Variants in MIA2 observed in about 807,000 individuals in gnomAD.
The protein encoded by MIA2 is MIA SH3 domain ER export factor 2, also known as melanoma inhibitory activity protein 2.
Under a neutral mutation model 167.8 loss-of-function variants are expected in MIA2, and 127 were observed. The ratio of observed to expected loss-of-function variants is 0.76; its 90% CI spans 0.66 to 0.88. MIA2 has a LOEUF of 0.88. MIA2 is among the 40% of genes least tolerant of loss of function. The pLI, the probability that MIA2 is intolerant of heterozygous loss-of-function variation, is 0.00. For missense variants in MIA2, 1,690 were observed against 1,624.7 expected, an observed-to-expected ratio of 1.04 and a Z score of -0.69; for synonymous variants, 552 against 541.9, an observed-to-expected ratio of 1.02 and a Z score of -0.26.
chr14:39,266,714 G>GCTGCCGGGGT, intron 6 of MIA2: 1 of 985,586 alleles, frequency 1.0e-6, no homozygotes, highest in South Asian at 4.7e-5. Flanking sequence ...GCTTCTCGGG[G>GCTGCCGGGGT]CTGCCGGGGT....
intron 18 of MIA2, among the ~76,000 whole-genome samples, chr14:39,312,532 G>A (rs1448959068): frequency 1.3e-5 from 2 of 152,206 alleles, no homozygotes; most frequent in African/African-American, 4.8e-5. Context: ...GACTCCAAAT[G>A]TGTTTTCCTG....
intron 3 of MIA2, among the ~76,000 whole-genome samples, chr14:39,246,505 G>C (rs1325946069): frequency 6.6e-6 from 1 of 152,114 alleles, no homozygotes; most frequent in Non-Finnish European, 1.5e-5. Context: ...AATGCTTGAG[G>C]CCAGAAGTTC....
intron 13 of MIA2, among the ~76,000 whole-genome samples, chr14:39,296,519 G>A (rs1336362886): frequency 2.0e-5 from 3 of 151,202 alleles, no homozygotes; most frequent in Non-Finnish European, 2.9e-5. Context: ...TTGACCTCGT[G>A]ATCCACCCGC....
chr14:39,277,713 T>TTTAAAG, intron 7 of MIA2, among the ~76,000 whole-genome samples: 1 of 5,470 alleles, frequency 1.8e-4, no homozygotes, highest in African/African-American at 9.5e-4. Context: ...TATATATATA[T>TTTAAAG]ATGTGTGTAT....
chr14:39,282,486 A>G (rs1240714686), intron 9 of MIA2, among the ~76,000 whole-genome samples: 3 of 152,172 alleles, frequency 2.0e-5, no homozygotes, highest in Non-Finnish European at 4.4e-5. Context: ...TAATGTACTC[A>G]TATAACAAAA....
chr14:39,288,432 CATATATATATATATATATATAT>C (rs759995143), intron 9 of MIA2, among the ~76,000 whole-genome samples: 5 of 52,876 alleles, frequency 9.5e-5, no homozygotes, highest in Non-Finnish European at 1.3e-4. Context: ...ATATATTATA[CATATATATATATATATATATAT>C]ATATATATAT....
At chr14:39,238,581 G>A (rs2053876387) in intron 2 of MIA2, among the ~76,000 whole-genome samples, 1 of 151,936 alleles carries the variant, frequency 6.6e-6, no homozygotes, top group Non-Finnish European at 1.5e-5. Context: ...GATCACTTGA[G>A]GCCAGGAGTT....
At chr14:39,295,706 C>T (rs919609314) in intron 13 of MIA2, among the ~76,000 whole-genome samples, 19 of 151,986 alleles carry the variant, frequency 1.3e-4, no homozygotes, top group Admixed American at 3.9e-4. Flanking sequence ...ACTACAGGCG[C>T]GCGCCTCCAC....
intron 6 of MIA2, chr14:39,265,203 A>G: frequency 1.8e-6 from 1 of 556,622 alleles, no homozygotes; most frequent in Non-Finnish European, 3.1e-6. Flanking sequence ...GGTCCATGAA[A>G]TTGGGTTATG....
chr14:39,279,457 A>G lies in MIA2; in HGVS notation c.2050A>G (p.Lys684Glu), dbSNP rs1487430900. 6 of 1,605,796 alleles carry G rather than the reference A, an allele frequency of 3.7e-6. No homozygotes were observed. Among genetic ancestry groups the G allele is most frequent in the Non-Finnish European group, 2.5e-6 (3 of 1,178,226 alleles). ...TGACTTGACTTTTTTAGGACGAGAG[A>G]AAAAGCTTGCTCTAATGCTTTCTGG... The part of the protein sequence containing the change: ...VRSRLYVGRE[K>E]KLALMLSGLI... The change falls in exon 9 of 29, where the codon AAA becomes GAA. Residue 684 changes from lysine to glutamate, a missense_variant. By Grantham distance (56) the Lys-to-Glu change is moderately conservative. Coordinates refer to ENST00000640607, the MANE Select transcript of MIA2 (RefSeq NM_001329214.4).
At chr14:39,281,474 A>G (rs1376556098) in intron 9 of MIA2, among the ~76,000 whole-genome samples, 1 of 152,016 alleles carries the variant, frequency 6.6e-6, no homozygotes, top group African/African-American at 2.4e-5. Context: ...TAAACCATCC[A>G]TTGAGATCTT....
intron 23 of MIA2, among the ~76,000 whole-genome samples, chr14:39,379,262 A>C (rs1248962037): frequency 6.6e-6 from 1 of 151,930 alleles, no homozygotes; most frequent in Non-Finnish European, 1.5e-5. Flanking sequence ...ATTTATAGAG[A>C]AACTTTGAAC....
chr14:39,318,413 G>T (rs2065870149), intron 22 of MIA2, among the ~76,000 whole-genome samples: 1 of 151,908 alleles, frequency 6.6e-6, no homozygotes, highest in Non-Finnish European at 1.5e-5. Flanking sequence ...TGTAGTATTG[G>T]GTGACATTGT....
chr14:39,357,144 C>T (rs1008945784), intron 23 of MIA2, among the ~76,000 whole-genome samples: 5 of 151,666 alleles, frequency 3.3e-5, no homozygotes, highest in African/African-American at 4.9e-5. Flanking sequence ...CTAATGTTGA[C>T]AATGGGGTGT....
intron 18 of MIA2, among the ~76,000 whole-genome samples, 157 bp from the exon 19 acceptor site, chr14:39,313,183 A>G (rs995664412): frequency 2.6e-5 from 4 of 152,048 alleles, no homozygotes; most frequent in African/African-American, 9.7e-5. Flanking sequence ...CACCAGGAAT[A>G]TTTACACAGA....
chr14:39,274,606 G>T (rs1252123273), intron 6 of MIA2, among the ~76,000 whole-genome samples: 1 of 148,616 alleles, frequency 6.7e-6, no homozygotes, highest in Non-Finnish European at 1.5e-5. Context: ...TTGTATTTTT[G>T]GTAGAGATGG....
chr14:39,252,637 ATCATAATGACCTACAAAAGTTC>A, intron 4 of MIA2, 89 bp from the exon 5 acceptor site: 1 of 702,084 alleles, frequency 1.4e-6, no homozygotes, highest in Non-Finnish European at 2.4e-6. Context: ...TTAACGAAGT[ATCATAATGACCTACAAAAGTTC>A]AGAAAAATGA....
chr14:39,272,077 G>A (rs1300850323), intron 6 of MIA2, among the ~76,000 whole-genome samples: 1 of 152,116 alleles, frequency 6.6e-6, no homozygotes, highest in Non-Finnish European at 1.5e-5. Context: ...TAGGAGGCCG[G>A]GTGCGGTGGC....
At position 39,267,607 on chromosome 14, in the gene MIA2, C is replaced by T; in HGVS notation, c.1888-9327C>T. ...GGAAGCAGTAGACCGGCTTTGGGGT[C>T]TAAGCCGCCGTGGTCAGAGGTCCCG... On this transcript the variant is annotated intron_variant, in intron 6 of 28. Coordinates refer to ENST00000640607, the MANE Select transcript of MIA2 (RefSeq NM_001329214.4). The T allele has an allele frequency of 2.6e-6, 4 of 1,510,860 alleles. No homozygotes were observed. In the South Asian group the frequency reaches 3.5e-5, roughly 13 times the overall value. The allele number at this position is 1,510,860 out of a possible 1,614,324, so 93.6% of individuals were successfully genotyped here.
Sources: gnomAD v4.1 joint callset for allele counts (sites outside exome capture counted in the v4.1 genomes callset) on GRCh38, gnomAD v4.1.1 for gene constraint, MANE v1.5 for transcripts, NCBI Gene and HGNC (gene_info 2026-07-23, HGNC 2026-07-21) for gene names.